The following POMGNT2 variants were observed in gnomAD, a reference collection of about 807,000 sequenced individuals.
POMGNT2 encodes the protein protein O-linked-mannose beta-1,4-N-acetylglucosaminyltransferase 2.
A neutral mutation model predicts 37.8 loss-of-function variants in POMGNT2; 32 were observed. The observed-to-expected ratio is 0.85, with a 90% CI of 0.64 to 1.14. POMGNT2 has a LOEUF of 1.14. Among genes scored for constraint, POMGNT2 ranks in the 50% most tolerant of loss-of-function variants. POMGNT2 has a pLI of 0.00. For synonymous variants in POMGNT2, 340 were observed against 336.8 expected (o/e 1.01, Z -0.10); for missense variants, 705 against 780.6 (o/e 0.90, Z 1.15).
At chr3:43,089,418 GAGA>G (rs1331113698) in intron 1 of POMGNT2, among the ~76,000 whole-genome samples, 1 of 152,214 alleles carries the variant, frequency 6.6e-6, no homozygotes, top group African/African-American at 2.4e-5. Context: ...GGTTCACAAG[GAGA>G]AGTAGAGAGA....
chr3:43,080,499 G>A lies in POMGNT2; in HGVS notation c.933C>T (p.Ala311=). The A allele has an allele frequency of 1.2e-6, 2 of 1,614,164 alleles. No individual in the cohort carries two copies. The highest frequency in any genetic ancestry group is 1.7e-6 in the Non-Finnish European group (2 of 1,180,038). The stretch of plus-strand genomic sequence containing the variant: ...TCACTGTCTTCATCTGGAACTCCTG[G>A]GCCAGTGCCAGCAGCAGCTCTGCCT... The part of the protein sequence containing the change: ...LNEAELLLAL[A]QEFQMKTVTV... The change falls in exon 2 of 2, where the codon GCC becomes GCT. Residue 311 remains alanine, a synonymous_variant. Transcript: ENST00000344697.
At chr3:43,099,077 C>T (rs2089999169) in intron 1 of POMGNT2, among the ~76,000 whole-genome samples, 2 of 149,130 alleles carry the variant, frequency 1.3e-5, no homozygotes, top group South Asian at 4.2e-4. Context: ...TGTTGTGTGG[C>T]TCACAAAGGT....
At chr3:43,086,601 C>T (rs2089899613) in intron 1 of POMGNT2, among the ~76,000 whole-genome samples, 1 of 152,172 alleles carries the variant, frequency 6.6e-6, no homozygotes, top group Admixed American at 6.5e-5. Flanking sequence ...GCAGCAGGAA[C>T]CCTGCAGAAC....
intron 1 of POMGNT2, among the ~76,000 whole-genome samples, chr3:43,104,842 A>C (rs1559422674): frequency 6.6e-6 from 1 of 152,186 alleles, no homozygotes; most frequent in Non-Finnish European, 1.5e-5. Flanking sequence ...CCCCGTGATA[A>C]AGGCACTGTA....
chr3:43,089,136 T>C (rs2089922158), intron 1 of POMGNT2, among the ~76,000 whole-genome samples: 2 of 152,122 alleles, frequency 1.3e-5, no homozygotes, highest in Admixed American at 1.3e-4. Flanking sequence ...TCTGCGACAA[T>C]TTTCTATACA....
chr3:43,095,794 G>A lies in POMGNT2; in HGVS notation c.-106+10042C>T, dbSNP rs149881221. On this transcript the variant is annotated intron_variant, in intron 1 of 1. Coordinates refer to ENST00000344697, the MANE Select transcript of POMGNT2 (RefSeq NM_032806.6). The stretch of plus-strand genomic sequence containing the variant: ...AAGATCCAGTCTTCATTAAAGTGGG[G>A]CAAGGGGCAGAGAAGAGAAAGAAAC... Among the ~76,000 whole-genome samples, 32 of 152,272 alleles carry A rather than the reference G, an allele frequency of 2.1e-4. No individual in the cohort carries two copies. In the East Asian group the frequency reaches 5.6e-3, roughly 27 times the overall value.
intron 1 of POMGNT2, among the ~76,000 whole-genome samples, chr3:43,103,060 G>C (rs1049802710): frequency 7.2e-5 from 11 of 152,120 alleles, no homozygotes; most frequent in Non-Finnish European, 1.6e-4. Context: ...TAACATACTA[G>C]TGTGATAATT....
rs1332228615 is a variant in POMGNT2 at position 43,080,805 on chromosome 3, G to C, written c.627C>G (p.Leu209=). The stretch of plus-strand genomic sequence containing the variant: ...CCCGCAGGAGAGGCTGCTTGGGGCT[G>C]AGCAGCTTGTAGAGGTCGAAGTGTG... ...EGAHFDLYKL[L]SPKQPLLRAQ... Residue 209 remains leucine (L), a synonymous_variant, in exon 2 of 2, where the codon CTC becomes CTG. Transcript: ENST00000344697. The C allele has an allele frequency of 3.7e-6, 6 of 1,614,028 alleles. No individual in the cohort carries two copies. The highest frequency in any genetic ancestry group is 5.1e-6 in the Non-Finnish European group (6 of 1,180,010).
intron 1 of POMGNT2, among the ~76,000 whole-genome samples, chr3:43,092,071 GGGAATATTA>G: frequency 6.6e-6 from 1 of 152,172 alleles, no homozygotes; most frequent in Non-Finnish European, 1.5e-5. Flanking sequence ...GGACCAGAAA[GGGAATATTA>G]GTGGGATGAT....
chr3:43,099,042 CAG>C (rs1254769213), intron 1 of POMGNT2, among the ~76,000 whole-genome samples: 1 of 152,132 alleles, frequency 6.6e-6, no homozygotes, highest in African/African-American at 2.4e-5. Context: ...GGGGATGAAA[CAG>C]GGAACAGAAC....
At chr3:43,090,725 C>T (rs62247988) in intron 1 of POMGNT2, 17,223 of 152,046 alleles carry the variant, frequency 0.11, 1,222 homozygotes, top group South Asian at 0.19. Flanking sequence ...GGAAAGACAG[C>T]AAGGAGAGAC....
chr3:43,084,054 C>G (rs1001295649), intron 1 of POMGNT2, among the ~76,000 whole-genome samples: 1 of 152,146 alleles, frequency 6.6e-6, no homozygotes, highest in African/African-American at 2.4e-5. Flanking sequence ...GTGACACCTC[C>G]TCTGGCCTCT....
At chr3:43,099,301 C>A (rs748585566) in intron 1 of POMGNT2, among the ~76,000 whole-genome samples, 1 of 152,140 alleles carries the variant, frequency 6.6e-6, no homozygotes, top group Middle Eastern at 3.2e-3. Context: ...GTGTGCACAA[C>A]AAGAGATCAT....
At position 43,080,942 on chromosome 3, in the gene POMGNT2, G is replaced by A; in HGVS notation, c.490C>T (p.Leu164Phe). ...LIANRFNPDN[L>F]MHVFHDDLLP... The stretch of plus-strand genomic sequence containing the variant: ...AGGTCGTCATGAAAGACGTGCATGA[G>A]GTTGTCGGGGTTGAAGCGGTTGGCG... The change falls in exon 2 of 2, where the codon CTC becomes TTC. Residue 164 changes from leucine (L) to phenylalanine (F), a missense_variant. Transcript: ENST00000344697. The A allele has an allele frequency of 6.2e-7, 1 of 1,614,218 alleles. No homozygotes were observed.
At chr3:43,105,129 G>A (rs2090048172) in intron 1 of POMGNT2, among the ~76,000 whole-genome samples, 1 of 152,206 alleles carries the variant, frequency 6.6e-6, no homozygotes, top group African/African-American at 2.4e-5. Context: ...GGCAGACACT[G>A]GTCGCCCTGC....
At chr3:43,081,617 C>T (rs139552129) in intron 1 of POMGNT2, 81 bp from the exon 2 acceptor site, 95 of 603,694 alleles carry the variant, frequency 1.6e-4, no homozygotes, top group East Asian at 2.3e-4. Flanking sequence ...GTGCCAGGCA[C>T]GGTAGCTAGG....
chr3:43,100,241 T>C (rs2090008167), intron 1 of POMGNT2, among the ~76,000 whole-genome samples: 1 of 151,904 alleles, frequency 6.6e-6, no homozygotes, highest in South Asian at 2.1e-4. Flanking sequence ...TCAAAAATAT[T>C]CAAAAAAAAC....
chr3:43,089,944 C>T (rs569102612), intron 1 of POMGNT2, among the ~76,000 whole-genome samples: 5 of 152,088 alleles, frequency 3.3e-5, no homozygotes, highest in African/African-American at 9.7e-5. Context: ...TTGTGGAACA[C>T]GGGCTGAGAA....
At chr3:43,085,063 T>C (rs2089886235) in intron 1 of POMGNT2, among the ~76,000 whole-genome samples, 2 of 151,730 alleles carry the variant, frequency 1.3e-5, no homozygotes, top group African/African-American at 4.8e-5. Context: ...CCTCCACCAA[T>C]ACCATCGTGG....
Sources: allele counts gnomAD v4.1 joint callset (sites outside exome capture counted in the v4.1 genomes callset), GRCh38; gene constraint gnomAD v4.1.1; transcripts MANE v1.5; gene names NCBI Gene and HGNC (gene_info 2026-07-23, HGNC 2026-07-21).